Variants in CD101 observed in about 807,000 individuals in gnomAD.
CD101 encodes the protein immunoglobulin superfamily member 2.
Under a neutral mutation model 98.2 loss-of-function variants are expected in CD101, and 76 were observed. The observed-to-expected ratio is 0.77, with a 90% confidence interval of 0.64 to 0.94. The LOEUF (loss-of-function observed/expected upper bound fraction) is 0.94. Among genes scored for constraint, CD101 ranks in the 40% least tolerant of loss-of-function variants. The pLI is 0.00. For missense variants in CD101, 1,145 were observed against 1,218.8 expected (o/e 0.94, Z 0.90); for synonymous variants, 471 against 472.7 (o/e 1.00, Z 0.05).
chr1:117,022,452 G>A lies in CD101; in HGVS notation c.2428+469G>A, dbSNP rs1557774560. Among the ~76,000 whole-genome samples, 1 of 152,156 alleles carries A rather than the reference G, an allele frequency of 6.6e-6. No homozygotes were observed. Among genetic ancestry groups the A allele is most frequent in the Non-Finnish European group, 1.5e-5 (1 of 68,018 alleles). On this transcript the variant is annotated intron_variant, in intron 7 of 9. Transcript: ENST00000682167. This position sits in a 1 kb window ranked among gnomAD's most constrained non-coding sequence, Gnocchi z 4.8. ...CTGCCTAAACATAAGGCAAATAAGA[G>A]TAGTTAACTGTTGGAATGGCTTACT...
chr1:117,030,252 C>T (rs1007314006), intron 8 of CD101, among the ~76,000 whole-genome samples: 1 of 152,008 alleles, frequency 6.6e-6, no homozygotes, highest in Non-Finnish European at 1.5e-5. Context: ...ATGGTTGATG[C>T]ACGCCTGTAG....
In CD101 at chr1:117,010,980, A is replaced by G. The variant is rs143080970; in HGVS notation, c.425-570A>G. Among the ~76,000 whole-genome samples the G allele has an allele frequency of 5.5e-3, 833 of 152,322 alleles. 2 individuals carry two copies. The highest frequency in any genetic ancestry group is 0.01 in the Middle Eastern group (3 of 294). ...TCAGTCACATTCATTGATTAAATCTAAGTGTTGCTTTCATATAAGCTTAGG... is the reference window on the plus strand; with the variant it reads ...TCAGTCACATTCATTGATTAAATCTGAGTGTTGCTTTCATATAAGCTTAGG... On this transcript the variant is annotated intron_variant, in intron 2 of 9. Transcript: ENST00000682167. This position sits in a 1 kb window ranked among gnomAD's most constrained non-coding sequence, Gnocchi z 5.2.
rs1034623905 is a variant in CD101, at chr1:117,036,367, A to T, written c.*233A>T. 3 of 151,880 alleles carry T rather than the reference A, an allele frequency of 2.0e-5. No homozygotes were observed. Among genetic ancestry groups the T allele is most frequent in the African/African-American group, 7.3e-5 (3 of 41,230 alleles). 9.4% of individuals were successfully genotyped at this position (151,880 alleles called of 1,614,324 possible). A position where few individuals can be genotyped will look rare whatever the true frequency, so the allele number is the denominator to read the frequency against. ...ATGTGACCTGTGTGCTGGCAGGACG[A>T]CTCACTGCGGCTGCGCCACTGGGAC... On this transcript the variant is annotated 3_prime_UTR_variant, in exon 10 of 10. Transcript: ENST00000682167. This position sits in a 1 kb window ranked among gnomAD's most constrained non-coding sequence, Gnocchi z 5.0.
rs1291281801 is a variant in CD101, at chr1:117,012,131, G to A, written c.841+165G>A. Among the ~76,000 whole-genome samples, 1 of 152,160 alleles carries A rather than the reference G, an allele frequency of 6.6e-6. No homozygotes were observed. Among genetic ancestry groups the A allele is most frequent in the Non-Finnish European group, 1.5e-5 (1 of 68,028 alleles). On this transcript the variant is annotated intron_variant, in intron 3 of 9. Transcript: ENST00000682167. This position sits in a 1 kb window ranked among gnomAD's most constrained non-coding sequence, Gnocchi z 4.0. ...TCATCTGAGAAGCATAACTAAGAGG[G>A]AGCACATTCAGTTCTGGCTCTGCCC... is the stretch of plus-strand genomic sequence containing the variant.
chr1:117,029,198 A>ACGACT (rs1654201358), intron 8 of CD101, among the ~76,000 whole-genome samples: 2 of 76,062 alleles, frequency 2.6e-5, no homozygotes, highest in Non-Finnish European at 2.6e-5. Context: ...AAAGAAAGAA[A>ACGACT]GAAAGAAAAG....
At chr1:117,027,667 A>T (rs1473219078) in intron 8 of CD101, among the ~76,000 whole-genome samples, 1 of 152,208 alleles carries the variant, frequency 6.6e-6, no homozygotes, top group Non-Finnish European at 1.5e-5. Flanking sequence ...TAGATCCCAA[A>T]TGTGTCTAGA....
chr1:117,028,227 G>A (rs956243626), intron 8 of CD101, among the ~76,000 whole-genome samples: 5 of 152,170 alleles, frequency 3.3e-5, no homozygotes, highest in African/African-American at 1.2e-4. Context: ...TACCCATGAC[G>A]ACTAAGAAAA....
intron 8 of CD101, chr1:117,026,537 T>G (rs1653943754): frequency 6.6e-6 from 1 of 152,294 alleles, no homozygotes; most frequent in Admixed American, 6.5e-5. Flanking sequence ...AGCCTTTTTC[T>G]TCTTTCCAAC....
intron 1 of CD101, among the ~76,000 whole-genome samples, chr1:117,007,964 T>A (rs756140291): frequency 1.3e-4 from 20 of 152,200 alleles, no homozygotes; most frequent in Non-Finnish European, 2.8e-4. Context: ...TGCATATTCT[T>A]TCACACATAG....
At chr1:117,029,154 A>G (rs1654168772) in intron 8 of CD101, among the ~76,000 whole-genome samples, 1 of 102,288 alleles carries the variant, frequency 9.8e-6, no homozygotes, top group Non-Finnish European at 2.0e-5. Flanking sequence ...AAAGAAAGAA[A>G]GAAAGAAAGA....
intron 8 of CD101, among the ~76,000 whole-genome samples, chr1:117,028,818 A>T (rs1654128563): frequency 1.3e-5 from 2 of 152,154 alleles, no homozygotes. Context: ...CAGAAAAGTT[A>T]TCAGGGAAGT....
intron 8 of CD101, among the ~76,000 whole-genome samples, chr1:117,030,453 G>T (rs1363392748): frequency 1.3e-5 from 2 of 149,906 alleles, no homozygotes; most frequent in Admixed American, 6.6e-5. Context: ...GAGAAAGAAA[G>T]AAAAGAAAGA....
chr1:117,025,595 G>A lies in CD101; in HGVS notation c.2515G>A (p.Val839Ile), dbSNP rs17229382. The stretch of plus-strand genomic sequence containing the variant: ...GGCCATCCGCTGCAGCCTGGAGAGT[G>A]TAGGCAGCTCAGCCACTCTGTACTC... ...EVAIRCSLES[V>I]GSSATLYSVM... Residue 839 changes from valine to isoleucine, a missense_variant, in exon 8 of 10, where the codon GTA (valine) becomes ATA (isoleucine). Transcript: ENST00000682167. 0.018 allele frequency: 28,900 copies of A among 1,613,910 alleles called. 338 individuals are homozygous for A. Among genetic ancestry groups the A allele is most frequent in the Admixed American group, 0.037 (2,237 of 60,026 alleles).
rs753011064 is a variant in CD101 at position 117,013,519 on chromosome 1, T to G, written c.955T>G (p.Trp319Gly). Reference sequence around the variant, plus strand: ...CCGTGACCCACAGCTTCAAGGCATTTGGTTCTTCAATGGGACTGAAATTGC... The same window carrying G: ...CCGTGACCCACAGCTTCAAGGCATTGGGTTCTTCAATGGGACTGAAATTGC... Reference protein sequence around the residue: ...SGRDPQLQGIWFFNGTEIAHI... With the variant: ...SGRDPQLQGIGFFNGTEIAHI... The change falls in exon 4 of 10, where the codon TGG (tryptophan) becomes GGG (glycine). Residue 319 changes from tryptophan to glycine, a missense_variant. Coordinates refer to ENST00000682167, the MANE Select transcript of CD101 (RefSeq NM_001256106.3). 6.2e-7 allele frequency: 1 copy of G among 1,614,088 alleles called. No homozygotes were observed. Among genetic ancestry groups the G allele is most frequent in the Admixed American group, 1.7e-5 (1 of 59,998 alleles).
At chr1:117,014,637 G>T (rs1490796764) in intron 4 of CD101, among the ~76,000 whole-genome samples, 1 of 151,952 alleles carries the variant, frequency 6.6e-6, no homozygotes, top group African/African-American at 2.4e-5. Flanking sequence ...CACTAGGCTG[G>T]GTTTAAATTC....
intron 3 of CD101, among the ~76,000 whole-genome samples, chr1:117,013,085 T>C (rs1032169872): frequency 6.6e-6 from 1 of 152,070 alleles, no homozygotes; most frequent in African/African-American, 2.4e-5. Context: ...ATATATTTAA[T>C]TCAGTATACA....
At chr1:117,002,166 C>T (rs917940529) in intron 1 of CD101, among the ~76,000 whole-genome samples, 68 of 152,246 alleles carry the variant, frequency 4.5e-4, no homozygotes, top group African/African-American at 1.6e-3. Context: ...GGCCGATCAT[C>T]CCAAGAGACA....
At chr1:117,027,172 C>T (rs1653993093) in intron 8 of CD101, among the ~76,000 whole-genome samples, 1 of 152,216 alleles carries the variant, frequency 6.6e-6, no homozygotes, top group Admixed American at 6.5e-5. Context: ...ATCTCCTTTT[C>T]CCCTTATGCC....
In CD101 at chr1:117,019,784, T is replaced by C. The variant is rs1319615498; in HGVS notation, c.2017+1224T>C. On this transcript the variant is annotated intron_variant, in intron 6 of 9. Coordinates refer to ENST00000682167, the MANE Select transcript of CD101 (RefSeq NM_001256106.3). The surrounding 1 kb of genome is among the most constrained non-coding windows in gnomAD (Gnocchi z 4.3). ...TCAAAACATAAACCCACCATTATCATCCAAAGCTCTTTCTTCTGCATTGCC... is the reference window on the plus strand; with the variant it reads ...TCAAAACATAAACCCACCATTATCACCCAAAGCTCTTTCTTCTGCATTGCC... Among the ~76,000 whole-genome samples the C allele has an allele frequency of 6.6e-6, 1 of 152,160 alleles. No homozygotes were observed. Among genetic ancestry groups the C allele is most frequent in the Admixed American group, 6.5e-5 (1 of 15,268 alleles).
Sources: gnomAD v4.1 joint callset for allele counts (sites outside exome capture counted in the v4.1 genomes callset) on GRCh38, gnomAD v4.1.1 for gene constraint, Gnocchi (gnomAD v3.1) non-coding constraint, MANE v1.5 for transcripts, NCBI Gene and HGNC (gene_info 2026-07-23, HGNC 2026-07-21) for gene names.